Variants in PRDM16 observed in about 807,000 individuals in gnomAD.
PRDM16 encodes the protein PR/SET domain 16.
PRDM16 carries 23 observed loss-of-function variants against 110.6 expected under a neutral mutation model. That is an observed-to-expected ratio of 0.21 (90% CI 0.15 to 0.29). The LOEUF (loss-of-function observed/expected upper bound fraction) is 0.29, where lower values mean the gene tolerates loss of function less well. PRDM16 is among the 10% of genes least tolerant of loss of function. The probability of loss-of-function intolerance (pLI) is 1.00; values close to 1 mark genes in which losing one functional copy is unlikely to be tolerated. For synonymous variants in PRDM16, 799 were observed against 781.8 expected, an observed-to-expected ratio of 1.02 and a Z score of -0.37; for missense variants, 1,615 against 1,794.3, an observed-to-expected ratio of 0.90 and a Z score of 1.81.
rs575761995 is a variant in PRDM16, at chr1:3,143,728, C to T, written c.38-42397C>T. On this transcript the variant is annotated intron_variant, in intron 1 of 16. Coordinates refer to ENST00000270722, the MANE Select transcript of PRDM16 (RefSeq NM_022114.4). The surrounding 1 kb of genome is among the most constrained non-coding windows in gnomAD (Gnocchi z 4.5). ...CTGACCTCAGGTGATCCTCCCGCCT[C>T]GGCCTCCCAAAGTGCTGGGATCACA... Among the ~76,000 whole-genome samples the T allele has an allele frequency of 4.6e-5, 7 of 152,296 alleles. No individual in the cohort carries two copies. Among genetic ancestry groups the T allele is most frequent in the East Asian group, 1.9e-4 (1 of 5,162 alleles).
chr1:3,288,245 C>G (rs2100349770), intron 3 of PRDM16, among the ~76,000 whole-genome samples: 1 of 152,300 alleles, frequency 6.6e-6, no homozygotes, highest in Middle Eastern at 3.4e-3. Context: ...CCAGGCCCAG[C>G]ACTTGGGACA....
intron 3 of PRDM16, among the ~76,000 whole-genome samples, chr1:3,297,316 C>A (rs1401581724): frequency 6.9e-6 from 1 of 145,332 alleles, no homozygotes; most frequent in African/African-American, 2.6e-5. Flanking sequence ...CAGAATCTCG[C>A]TCTGTCACCC....
At chr1:3,289,038 G>GC (rs1165984374) in intron 3 of PRDM16, among the ~76,000 whole-genome samples, 5 of 152,230 alleles carry the variant, frequency 3.3e-5, no homozygotes, top group African/African-American at 1.2e-4. Flanking sequence ...CTGCCCATGA[G>GC]CCCCTGGCCG....
At chr1:3,378,202 G>A (rs1007904251) in intron 3 of PRDM16, among the ~76,000 whole-genome samples, 3 of 152,234 alleles carry the variant, frequency 2.0e-5, no homozygotes. Flanking sequence ...CCTGTTGCCA[G>A]TGTTTCTTCC....
chr1:3,428,151 C>T (rs963048351), intron 14 of PRDM16, among the ~76,000 whole-genome samples: 4 of 150,456 alleles, frequency 2.7e-5, no homozygotes, highest in South Asian at 4.2e-4. Flanking sequence ...CCCCCTACCC[C>T]GAGCTAGGGT....
intron 1 of PRDM16, among the ~76,000 whole-genome samples, chr1:3,184,592 A>T (rs539845464): frequency 1.6e-4 from 24 of 152,288 alleles, no homozygotes. Context: ...ATCGAGGCAG[A>T]ATTCAACCTC....
At chr1:3,240,034 GGAGAAGAGGAGAGGAGAGGAGAAGAGGA>G (rs1370023506) in intron 2 of PRDM16, among the ~76,000 whole-genome samples, 3,811 of 138,142 alleles carry the variant, frequency 0.028, 195 homozygotes, top group African/African-American at 0.088. Context: ...GAAGAGGAGA[GGAGAAGAGGAGAGGAGAGGAGAAGAGGA>G]GAGGAGAGGA....
rs188518080 is a variant in PRDM16 at position 3,159,187 on chromosome 1, G to A, written c.38-26938G>A. Among the ~76,000 whole-genome samples the A allele has an allele frequency of 2.3e-3, 354 of 152,368 alleles. 1 individual carries two copies. Among genetic ancestry groups the A allele is most frequent in the Non-Finnish European group, 3.2e-3 (217 of 68,038 alleles). ...AGACAGGGAGGCTGGAGGTACACAG[G>A]GCGGCATGAGAACCGAAGCCAGATG... On this transcript the variant is annotated intron_variant, in intron 1 of 16. Coordinates refer to ENST00000270722, the MANE Select transcript of PRDM16 (RefSeq NM_022114.4).
Position 3,069,457 on chromosome 1 carries a change from C to CCGGGGCGACCGGGCTCGGCGCGGAGGCT in PRDM16, c.37+169_37+196dup, listed in dbSNP as rs1641689216. 1.4e-5 allele frequency among the ~76,000 whole-genome samples: 2 copies of CCGGGGCGACCGGGCTCGGCGCGGAGGCT among 143,792 alleles called. No homozygotes were observed. Among genetic ancestry groups the CCGGGGCGACCGGGCTCGGCGCGGAGGCT allele is most frequent in the Non-Finnish European group, 3.1e-5 (2 of 64,900 alleles). 94.3% of individuals were successfully genotyped at this position (143,792 alleles called of 152,430 possible). ...GGGGGGCTGCTCCGCCTCCCGCGCTCCGGGGCGACCGGGCTCGGCGCGGAG... is the reference window on the plus strand; with the variant it reads ...GGGGGGCTGCTCCGCCTCCCGCGCTCCGGGGCGACCGGGCTCGGCGCGGAGGCTCGGGGCGACCGGGCTCGGCGCGGAG... On this transcript the variant is annotated intron_variant, in intron 1 of 16. Coordinates refer to ENST00000270722, the MANE Select transcript of PRDM16 (RefSeq NM_022114.4). The surrounding 1 kb of genome is among the most constrained non-coding windows in gnomAD (Gnocchi z 6.1).
intron 2 of PRDM16, among the ~76,000 whole-genome samples, chr1:3,200,564 G>T (rs1056996452): frequency 6.6e-6 from 1 of 152,138 alleles, no homozygotes; most frequent in Non-Finnish European, 1.5e-5. Flanking sequence ...GGATGGTCTC[G>T]ATCTTCTGAC....
intron 3 of PRDM16, among the ~76,000 whole-genome samples, chr1:3,312,302 C>T (rs965642479): frequency 6.6e-6 from 1 of 152,224 alleles, no homozygotes; most frequent in African/African-American, 2.4e-5. Flanking sequence ...CAGCACTCAG[C>T]GGCCTGCAGG....
At chr1:3,191,699 A>G (rs948184875) in intron 2 of PRDM16, among the ~76,000 whole-genome samples, 2 of 152,178 alleles carry the variant, frequency 1.3e-5, no homozygotes, top group Admixed American at 6.5e-5. Flanking sequence ...AGAAATGAGA[A>G]ATACATTTGC....
At chr1:3,417,031 G>A (rs2493285) in intron 10 of PRDM16, among the ~76,000 whole-genome samples, 18,656 of 152,132 alleles carry the variant, frequency 0.12, 1,340 homozygotes, top group East Asian at 0.31. Flanking sequence ...CTCTCCTGTC[G>A]CTATTGTCAG....
At chr1:3,222,775 G>A (rs1426515987) in intron 2 of PRDM16, among the ~76,000 whole-genome samples, 1 of 152,246 alleles carries the variant, frequency 6.6e-6, no homozygotes, top group Non-Finnish European at 1.5e-5. Context: ...AGTGGATGCA[G>A]GCTTGGTTCT....
intron 2 of PRDM16, among the ~76,000 whole-genome samples, chr1:3,200,545 T>G (rs946995984): frequency 6.6e-6 from 1 of 152,094 alleles, no homozygotes; most frequent in Non-Finnish European, 1.5e-5. Flanking sequence ...GGTTTCACCG[T>G]GTTAGCCAGG....
intron 1 of PRDM16, among the ~76,000 whole-genome samples, chr1:3,162,096 G>T (rs180875417): frequency 2.0e-5 from 3 of 152,096 alleles, no homozygotes; most frequent in East Asian, 3.9e-4. Context: ...TGGGCTAATT[G>T]TGGTAAAATA....
intron 3 of PRDM16, among the ~76,000 whole-genome samples, chr1:3,261,257 G>A (rs909339042): frequency 6.6e-6 from 1 of 152,110 alleles, no homozygotes; most frequent in African/African-American, 2.4e-5. Context: ...AGGACTTCCT[G>A]CGAGATAGCA....
At chr1:3,240,765 G>T (rs1257714369) in intron 2 of PRDM16, among the ~76,000 whole-genome samples, 2 of 152,232 alleles carry the variant, frequency 1.3e-5, no homozygotes, top group Non-Finnish European at 2.9e-5. Context: ...TGCGTACGTG[G>T]CCTCTTTGCT....
At chr1:3,180,767 C>T (rs1469786014) in intron 1 of PRDM16, among the ~76,000 whole-genome samples, 1 of 135,090 alleles carries the variant, frequency 7.4e-6, no homozygotes, top group Non-Finnish European at 1.6e-5. Context: ...TTTCCCAACC[C>T]AGAGGCCGCA....
Sources: allele counts gnomAD v4.1 joint callset (sites outside exome capture counted in the v4.1 genomes callset), GRCh38; gene constraint gnomAD v4.1.1; non-coding constraint Gnocchi (gnomAD v3.1); transcripts MANE v1.5; gene names NCBI Gene and HGNC (gene_info 2026-07-23, HGNC 2026-07-21).